Variants in KIAA1671 observed in about 807,000 individuals in gnomAD.
The protein encoded by KIAA1671 is KIAA1671.
KIAA1671 carries 52 observed loss-of-function variants against 131.2 expected under a neutral mutation model. The ratio of observed to expected loss-of-function variants is 0.40; its 90% CI spans 0.32 to 0.50. The LOEUF (loss-of-function observed/expected upper bound fraction) is 0.50, where lower values mean the gene tolerates loss of function less well. Among genes scored for constraint, KIAA1671 ranks in the 20% least tolerant of loss-of-function variants. KIAA1671 has a pLI of 0.73. For missense variants in KIAA1671, 2,360 were observed against 2,364.2 expected (o/e 1.00, Z 0.04); for synonymous variants, 1,003 against 961.6 (o/e 1.04, Z -0.80).
chr22:25,031,193 A>ATTTT (rs58221822), intron 3 of KIAA1671, among the ~76,000 whole-genome samples: 2 of 113,342 alleles, frequency 1.8e-5, no homozygotes, highest in Non-Finnish European at 3.5e-5. Flanking sequence ...CACCCAGCTA[A>ATTTT]TTTTTTTTTT....
At position 25,102,252 on chromosome 22, in the gene KIAA1671, T is replaced by G. The variant is rs147821405; in HGVS notation, c.4530+52888T>G. 3.2e-3 allele frequency among the ~76,000 whole-genome samples: 480 copies of G among 152,288 alleles called. 2 individuals are homozygous for G. The highest frequency in any genetic ancestry group is 0.011 in the African/African-American group (462 of 41,558). ...TATCAGAGAGGGCGCCTGCTGCAGA[T>G]GGACTGTGAGGCCTTAGGGCAGCCC... On this transcript the variant is annotated intron_variant, in intron 6 of 12. Transcript: ENST00000358431.
At chr22:25,160,947 G>C (rs1242545339) in intron 6 of KIAA1671, among the ~76,000 whole-genome samples, 8 of 152,168 alleles carry the variant, frequency 5.3e-5, no homozygotes, top group Admixed American at 5.2e-4. Flanking sequence ...CCAAGTCCAT[G>C]GGAGGGGATG....
In KIAA1671 at chr22:25,093,860, C is replaced by CTCTG. The variant is rs1568951731; in HGVS notation, c.4530+44499_4530+44500insGTCT. ...TCTGTCTCTCTCTCTCTCTCTCTCT[C>CTCTG]TCTCTCTCTCTCTCTCTCTCTCTCT... is the stretch of plus-strand genomic sequence containing the variant. On this transcript the variant is annotated intron_variant, in intron 6 of 12. Coordinates refer to ENST00000358431, the MANE Select transcript of KIAA1671 (RefSeq NM_001145206.2). 2.8e-3 allele frequency among the ~76,000 whole-genome samples: 365 copies of CTCTG among 129,560 alleles called. 20 individuals are homozygous for CTCTG. The highest frequency in any genetic ancestry group is 6.0e-3 in the African/African-American group (180 of 30,074). 85.0% of individuals were successfully genotyped at this position (129,560 alleles called of 152,430 possible).
chr22:25,170,021 C>G (rs1442510336), intron 6 of KIAA1671, among the ~76,000 whole-genome samples: 1 of 152,202 alleles, frequency 6.6e-6, no homozygotes, highest in African/African-American at 2.4e-5. Flanking sequence ...TCACGCCGTT[C>G]TCCTGCCTCA....
intron 10 of KIAA1671, 64 bp from the exon 11 acceptor site, chr22:25,184,913 C>A (rs1026364720): frequency 1.9e-6 from 3 of 1,539,764 alleles, no homozygotes; most frequent in Middle Eastern, 2.2e-4. Context: ...CTGACATTTG[C>A]ATGGGAGGGG....
intron 6 of KIAA1671, chr22:25,050,128 A>T (rs773846826): frequency 1.3e-5 from 2 of 152,318 alleles, no homozygotes; most frequent in Admixed American, 1.3e-4. Flanking sequence ...CTTGTTTTCA[A>T]GTCTCCCTCT....
intron 9 of KIAA1671, among the ~76,000 whole-genome samples, chr22:25,177,809 C>T (rs947094913): frequency 4.6e-5 from 7 of 152,150 alleles, no homozygotes; most frequent in Non-Finnish European, 8.8e-5. Context: ...GGTTCTGCTT[C>T]CCTTTCTGAG....
chr22:25,177,921 G>T (rs995319473), intron 9 of KIAA1671, among the ~76,000 whole-genome samples: 3 of 151,952 alleles, frequency 2.0e-5, no homozygotes, highest in Non-Finnish European at 4.4e-5. Flanking sequence ...CAGTGGGTCC[G>T]TGCTGACCCC....
rs1028540559 is a variant in KIAA1671 at position 25,181,903 on chromosome 22, T to C, written c.5199+80T>C. On this transcript the variant is annotated intron_variant, in intron 10 of 12. Transcript: ENST00000358431. ...GTGTAAAGAATAGATTCCGGCTGGG[T>C]GCAGTGGCTCACGCCTGTAATCCCA... 5.4e-5 allele frequency: 80 copies of C among 1,476,612 alleles called. No homozygotes were observed. In the African/African-American group the frequency reaches 5.6e-4, roughly 10 times the overall value. 91.5% of individuals were successfully genotyped at this position (1,476,612 alleles called of 1,614,324 possible).
intron 3 of KIAA1671, among the ~76,000 whole-genome samples, chr22:25,031,670 T>A (rs985077526): frequency 6.6e-6 from 1 of 152,200 alleles, no homozygotes; most frequent in Non-Finnish European, 1.5e-5. Flanking sequence ...GTCGATCTTA[T>A]GTGTAGCCGG....
rs1434819450 is a variant in KIAA1671 at position 25,028,091 on chromosome 22, C to G, written c.92C>G (p.Thr31Ser). 1 of 1,551,126 alleles carries G rather than the reference C, an allele frequency of 6.4e-7. No individual in the cohort carries two copies. Among genetic ancestry groups the G allele is most frequent in the African/African-American group, 1.4e-5 (1 of 73,068 alleles). The change falls in exon 3 of 13, where the codon ACC becomes AGC. Residue 31 changes from threonine (T) to serine (S), a missense_variant. Transcript: ENST00000358431. Reference protein sequence around the residue: ...EMGKEETLTRTYFLQAGEASG... With the variant: ...EMGKEETLTRSYFLQAGEASG... The stretch of plus-strand genomic sequence containing the variant: ...GGCAAGGAGGAGACCCTGACGAGGA[C>G]CTACTTCCTCCAGGCCGGCGAAGCC...
chr22:25,041,624 A>G, intron 5 of KIAA1671, 99 bp downstream of exon 5: 1 of 1,257,124 alleles, frequency 8.0e-7, no homozygotes, highest in Non-Finnish European at 1.1e-6. Context: ...TTGGGTACAT[A>G]AATGAGTGGA....
In KIAA1671 at chr22:25,194,135, T is replaced by G. The variant is rs1934751661; in HGVS notation, c.*1734T>G. On this transcript the variant is annotated 3_prime_UTR_variant, in exon 13 of 13. Coordinates refer to ENST00000358431, the MANE Select transcript of KIAA1671 (RefSeq NM_001145206.2). ...TCTTACTCTGTTGCTCAAGCTGGAG[T>G]GGAGTGGCACGATCATAGCTCACTA... The G allele has an allele frequency of 6.6e-6, 1 of 152,084 alleles. No homozygotes were observed. The highest frequency in any genetic ancestry group is 1.5e-5 in the Non-Finnish European group (1 of 68,056). The allele number at this position is 152,084 out of a possible 1,614,324, so 9.4% of individuals were successfully genotyped here. A position where few individuals can be genotyped will look rare whatever the true frequency, so the allele number is the denominator to read the frequency against.
chr22:25,028,093 T>G lies in KIAA1671; in HGVS notation c.94T>G (p.Tyr32Asp). ...MGKEETLTRT[Y>D]FLQAGEASGA... ...CAAGGAGGAGACCCTGACGAGGACC[T>G]ACTTCCTCCAGGCCGGCGAAGCCTC... The change falls in exon 3 of 13, where the codon TAC becomes GAC. Residue 32 changes from tyrosine to aspartate, a missense_variant. Around this residue, in one of 3 missense-constraint regions of KIAA1671, gnomAD observed 1,185 missense variants for 1,126.2 expected, o/e 1.05. Transcript: ENST00000358431. The G allele has an allele frequency of 6.4e-7, 1 of 1,551,284 alleles. No homozygotes were observed. Among genetic ancestry groups the G allele is most frequent in the Middle Eastern group, 1.7e-4 (1 of 5,990 alleles).
At chr22:24,972,795 C>G (rs1333475256) in intron 1 of KIAA1671, among the ~76,000 whole-genome samples, 1 of 152,188 alleles carries the variant, frequency 6.6e-6, no homozygotes, top group Non-Finnish European at 1.5e-5. Flanking sequence ...CCTTCGTAGT[C>G]CTGACATTCT....
At chr22:25,056,203 A>G (rs1358175406) in intron 6 of KIAA1671, 1 of 149,130 alleles carries the variant, frequency 6.7e-6, no homozygotes, top group East Asian at 2.0e-4. Context: ...TATTAATCCC[A>G]TATCAGATAT....
intron 1 of KIAA1671, among the ~76,000 whole-genome samples, chr22:24,979,496 C>T (rs1923114718): frequency 1.3e-5 from 2 of 151,724 alleles, no homozygotes; most frequent in East Asian, 2.0e-4. Flanking sequence ...ACTACAGACA[C>T]CTGCCACCGC....
chr22:25,081,745 C>T (rs2145865006), intron 6 of KIAA1671, among the ~76,000 whole-genome samples: 1 of 152,114 alleles, frequency 6.6e-6, no homozygotes, highest in Admixed American at 6.5e-5. Flanking sequence ...CCGAGCAAAA[C>T]CTGACTTGTC....
At chr22:25,113,947 G>A (rs973064532) in intron 6 of KIAA1671, among the ~76,000 whole-genome samples, 4 of 152,148 alleles carry the variant, frequency 2.6e-5, no homozygotes, top group African/African-American at 9.7e-5. Flanking sequence ...GTATGGGGTT[G>A]GTGACAGGCA....
Sources: allele counts gnomAD v4.1 joint callset (sites outside exome capture counted in the v4.1 genomes callset), GRCh38; gene constraint gnomAD v4.1.1; regional missense constraint gnomAD v4.1.1; transcripts MANE v1.5; gene names NCBI Gene and HGNC (gene_info 2026-07-23, HGNC 2026-07-21).